CDH23: variants seen among roughly 807,000 people sequenced by gnomAD.
The protein encoded by CDH23 is cadherin related 23.
CDH23 carries 189 observed loss-of-function variants against 317.1 expected under a neutral mutation model. The ratio of observed to expected loss-of-function variants is 0.60; its 90% CI spans 0.53 to 0.67. CDH23 has a LOEUF of 0.67. CDH23 is among the 30% of genes least tolerant of loss of function. The pLI, the probability that CDH23 is intolerant of heterozygous loss-of-function variation, is 0.00. For synonymous variants in CDH23, 1,839 were observed against 1,876.8 expected, an observed-to-expected ratio of 0.98 and a Z score of 0.52; for missense variants, 4,401 against 4,592.4, an observed-to-expected ratio of 0.96 and a Z score of 1.20.
chr10:71,509,573 T>G (rs1002220783), intron 3 of CDH23, among the ~76,000 whole-genome samples: 1 of 152,194 alleles, frequency 6.6e-6, no homozygotes, highest in Non-Finnish European at 1.5e-5. Flanking sequence ...GAAAGAGAGC[T>G]CCTCTTTCCC....
In CDH23 at chr10:71,442,205, T is replaced by C. The variant is rs118115882; in HGVS notation, c.67+2307T>C. 3.9e-5 allele frequency among the ~76,000 whole-genome samples: 6 copies of C among 152,322 alleles called. No homozygotes were observed. The East Asian group carries it at 9.6e-4, about 24-fold the overall frequency. On this transcript the variant is annotated intron_variant, in intron 2 of 69. Coordinates refer to ENST00000224721, the MANE Select transcript of CDH23 (RefSeq NM_022124.6). Reference sequence around the variant, plus strand: ...CACCCAGCAATTCTATGCCAAAGCGTGTATGGTCGGCCTGCATGTGGACTA... The same window carrying C: ...CACCCAGCAATTCTATGCCAAAGCGCGTATGGTCGGCCTGCATGTGGACTA...
At chr10:71,672,914 AC>A (rs1299120877) in intron 14 of CDH23, among the ~76,000 whole-genome samples, 2 of 150,696 alleles carry the variant, frequency 1.3e-5, no homozygotes, top group Admixed American at 1.3e-4. Flanking sequence ...GGGGCAGCAC[AC>A]CCCCCATGAC....
At chr10:71,759,906 C>CACACACACATAT (rs1564779307) in intron 38 of CDH23, among the ~76,000 whole-genome samples, 2 of 38,888 alleles carry the variant, frequency 5.1e-5, no homozygotes, top group East Asian at 8.1e-4. Flanking sequence ...CACATATATA[C>CACACACACATAT]ACACACACAT....
At chr10:71,741,290 G>C (rs374952167) in intron 37 of CDH23, among the ~76,000 whole-genome samples, 2 of 152,166 alleles carry the variant, frequency 1.3e-5, no homozygotes, top group Non-Finnish European at 2.9e-5. Context: ...GGCATTGCTG[G>C]GTATCATGCT....
chr10:71,485,435 C>T, intron 3 of CDH23, among the ~76,000 whole-genome samples: 1 of 152,216 alleles, frequency 6.6e-6, no homozygotes, highest in East Asian at 1.9e-4. Flanking sequence ...TGTCTTTGGC[C>T]ATCCGTCCTG....
At position 71,793,629 on chromosome 10, in the gene CDH23, A is replaced by C; in HGVS notation, c.6701A>C (p.Asn2234Thr). Reference sequence around the variant, plus strand: ...AACCAGGAGGACGCCTTTGCTGTGAATATCAACACAGGTACAAGGGCCTGC... The same window carrying C: ...AACCAGGAGGACGCCTTTGCTGTGACTATCAACACAGGTACAAGGGCCTGC... ...VPNQEDAFAVNINTGSVMVKS... is the reference protein window; with the variant it reads ...VPNQEDAFAVTINTGSVMVKS... Residue 2234 changes from asparagine to threonine, a missense_variant, in exon 48 of 70, where the codon AAT (asparagine) becomes ACT (threonine). Asn to Thr is a moderately conservative substitution (Grantham distance 65). Coordinates refer to ENST00000224721, the MANE Select transcript of CDH23 (RefSeq NM_022124.6). The C allele has an allele frequency of 6.3e-7, 1 of 1,587,404 alleles. No individual in the cohort carries two copies. Among genetic ancestry groups the C allele is most frequent in the Non-Finnish European group, 8.6e-7 (1 of 1,165,440 alleles).
chr10:71,555,112 G>A (rs1856806591), intron 6 of CDH23, among the ~76,000 whole-genome samples: 1 of 152,186 alleles, frequency 6.6e-6, no homozygotes, highest in Non-Finnish European at 1.5e-5. Flanking sequence ...CTCTGGCTAG[G>A]GAGGGGTATG....
Position 71,778,117 on chromosome 10 carries a change from C to T in CDH23, c.5068-72C>T, listed in dbSNP as rs1323656723. The T allele has an allele frequency of 6.9e-6, 11 of 1,588,934 alleles. No homozygotes were observed. The South Asian group carries it at 1.0e-4, about 15-fold the overall frequency. ...CAGCTCCAATGTCAGGGCCTACTTCCCAAATTGGTCAGAGGGTGCTGCAGA... is the reference window on the plus strand; with the variant it reads ...CAGCTCCAATGTCAGGGCCTACTTCTCAAATTGGTCAGAGGGTGCTGCAGA... On this transcript the variant is annotated intron_variant, in intron 39 of 69. Transcript: ENST00000224721.
intron 3 of CDH23, among the ~76,000 whole-genome samples, chr10:71,509,752 C>T (rs1384036006): frequency 1.3e-5 from 2 of 152,220 alleles, no homozygotes; most frequent in Non-Finnish European, 1.5e-5. Flanking sequence ...GGCCTGTCCT[C>T]ATCTGAGCCA....
At chr10:71,802,078 CG>C (rs1385074290) in intron 53 of CDH23, among the ~76,000 whole-genome samples, 3 of 152,124 alleles carry the variant, frequency 2.0e-5, no homozygotes, top group African/African-American at 4.8e-5. Context: ...GAGGCCGAGG[CG>C]GGGGGATCAC....
At chr10:71,813,392 T>A (rs1842009246) in intron 69 of CDH23, 44 bp downstream of exon 69, 2 of 1,471,062 alleles carry the variant, frequency 1.4e-6, no homozygotes, top group Non-Finnish European at 1.9e-6. Context: ...TGCCCCAGCC[T>A]GGGGATGCTC....
At chr10:71,691,662 G>A (rs150057128) in intron 20 of CDH23, among the ~76,000 whole-genome samples, 2 of 152,294 alleles carry the variant, frequency 1.3e-5, no homozygotes, top group East Asian at 3.9e-4. Context: ...GAGAGCATGG[G>A]TTGTCAGAGC....
intron 28 of CDH23, chr10:71,716,417 C>G (rs1866241996): frequency 1.6e-6 from 2 of 1,254,868 alleles, no homozygotes; most frequent in East Asian, 5.2e-5. Flanking sequence ...GAAGACTTAC[C>G]TAGGGAATGT....
At chr10:71,608,981 G>A (rs546380143) in intron 9 of CDH23, among the ~76,000 whole-genome samples, 2 of 152,162 alleles carry the variant, frequency 1.3e-5, no homozygotes, top group African/African-American at 4.8e-5. Flanking sequence ...CTGTGTTCCC[G>A]CACGCACCAT....
chr10:71,562,883 A>C (rs534838060), intron 6 of CDH23, among the ~76,000 whole-genome samples: 7 of 151,976 alleles, frequency 4.6e-5, no homozygotes, highest in Admixed American at 6.6e-5. Context: ...TCGGCCTGTC[A>C]TGGTGCCCAC....
At chr10:71,753,968 G>A in intron 38 of CDH23, 6 of 436,048 alleles carry the variant, frequency 1.4e-5, no homozygotes, top group South Asian at 8.1e-5. Context: ...TTTAGAGCTG[G>A]GGAAACTGAG....
intron 14 of CDH23, among the ~76,000 whole-genome samples, chr10:71,653,477 CA>C (rs1863275109): frequency 6.6e-6 from 1 of 152,240 alleles, no homozygotes; most frequent in Admixed American, 6.5e-5. Context: ...GGGTTCTACT[CA>C]AGGTGCTGGA....
chr10:71,505,909 T>A lies in CDH23; in HGVS notation c.146-4173T>A, dbSNP rs145061264. ...TACATCCAAAATAATTAAAAACAGA[T>A]GTTCAAACAAAAACTTGTACATAAA... is the stretch of plus-strand genomic sequence containing the variant. On this transcript the variant is annotated intron_variant, in intron 3 of 69. Transcript: ENST00000224721. Among the ~76,000 whole-genome samples the A allele has an allele frequency of 8.2e-3, 1,242 of 152,316 alleles. 24 individuals are homozygous for A. The highest frequency in any genetic ancestry group is 0.031 in the Middle Eastern group (9 of 294).
chr10:71,424,650 C>G (rs1347166312), intron 1 of CDH23, among the ~76,000 whole-genome samples: 4 of 152,206 alleles, frequency 2.6e-5, no homozygotes, highest in Admixed American at 2.6e-4. Context: ...TTGAAGGGAC[C>G]TCGTTCCTTT....
Sources: gnomAD v4.1 joint callset for allele counts (sites outside exome capture counted in the v4.1 genomes callset) on GRCh38, gnomAD v4.1.1 for gene constraint, MANE v1.5 for transcripts, NCBI Gene and HGNC (gene_info 2026-07-23, HGNC 2026-07-21) for gene names.